The following OSBPL6 variants were observed in gnomAD, a reference collection of about 807,000 sequenced individuals.
OSBPL6 encodes the protein oxysterol-binding protein-related protein 6.
A neutral mutation model predicts 125.8 loss-of-function variants in OSBPL6; 49 were observed. That is an observed-to-expected ratio of 0.39 (90% CI 0.31 to 0.49). OSBPL6 has a LOEUF of 0.49. Among genes scored for constraint, OSBPL6 ranks in the 20% least tolerant of loss-of-function variants. The probability of loss-of-function intolerance (pLI) is 0.88; values close to 1 mark genes in which losing one functional copy is unlikely to be tolerated. For synonymous variants in OSBPL6, 394 were observed against 391.8 expected (o/e 1.01, Z -0.07); for missense variants, 986 against 1,135.4 (o/e 0.87, Z 1.89).
chr2:178,226,933 G>A (rs2090589202), intron 1 of OSBPL6, among the ~76,000 whole-genome samples: 1 of 152,180 alleles, frequency 6.6e-6, no homozygotes, highest in African/African-American at 2.4e-5. Flanking sequence ...TATTGAAATT[G>A]TATGTTGTGT....
intron 2 of OSBPL6, among the ~76,000 whole-genome samples, chr2:178,297,886 C>G (rs1002029864): frequency 6.6e-6 from 1 of 152,180 alleles, no homozygotes; most frequent in Non-Finnish European, 1.5e-5. Flanking sequence ...ATCATTTTAA[C>G]TGCTTTGAAG....
At chr2:178,306,371 A>G (rs16866247) in intron 3 of OSBPL6, 85 bp downstream of exon 3, 16,611 of 851,324 alleles carry the variant, frequency 0.02, 876 homozygotes, top group East Asian at 0.19. Flanking sequence ...ATTAATTCTG[A>G]AATTTTGTTG....
At chr2:178,329,245 T>G (rs1688973574) in intron 5 of OSBPL6, among the ~76,000 whole-genome samples, 1 of 152,214 alleles carries the variant, frequency 6.6e-6, no homozygotes, top group South Asian at 2.1e-4. Flanking sequence ...AGGCTACAGT[T>G]TATTCCTCTC....
intron 1 of OSBPL6, among the ~76,000 whole-genome samples, chr2:178,276,140 A>G (rs1408071699): frequency 6.6e-6 from 1 of 152,160 alleles, no homozygotes; most frequent in East Asian, 1.9e-4. Flanking sequence ...ATAATTCATG[A>G]GGGAAATATG....
At chr2:178,268,348 C>A (rs1479809720) in intron 1 of OSBPL6, among the ~76,000 whole-genome samples, 2 of 152,132 alleles carry the variant, frequency 1.3e-5, no homozygotes, top group African/African-American at 4.8e-5. Flanking sequence ...TCCCAAAGTG[C>A]TAGGATTATA....
At position 178,383,113 on chromosome 2, in the gene OSBPL6, C is replaced by T. The variant is rs1359333826; in HGVS notation, c.1711C>T (p.Leu571=). 6.2e-7 allele frequency: 1 copy of T among 1,614,206 alleles called. No individual in the cohort carries two copies. Residue 571 remains leucine, a synonymous_variant, in exon 17 of 25, where the codon CTG becomes TTG. Coordinates refer to ENST00000190611, the MANE Select transcript of OSBPL6 (RefSeq NM_032523.4). ...TTGTCCTGACACCAGTAACATTAAC[C>T]TGTGGAATATCTTGAGGAACAACAT... ...APCPDTSNIN[L]WNILRNNIGK...
chr2:178,253,652 C>T (rs539361283), intron 1 of OSBPL6, among the ~76,000 whole-genome samples: 56 of 152,272 alleles, frequency 3.7e-4, no homozygotes, highest in African/African-American at 1.3e-3. Context: ...TGAATAAACT[C>T]AGGGCCAGCA....
chr2:178,214,597 T>G (rs2090007178), intron 1 of OSBPL6, among the ~76,000 whole-genome samples: 1 of 152,166 alleles, frequency 6.6e-6, no homozygotes, highest in South Asian at 2.1e-4. Context: ...TCAGGCCCAC[T>G]TATAATCTTC....
At chr2:178,350,607 T>C (rs555854146) in intron 12 of OSBPL6, among the ~76,000 whole-genome samples, 17 of 152,340 alleles carry the variant, frequency 1.1e-4, no homozygotes, top group African/African-American at 3.6e-4. Context: ...GATTTCTCAA[T>C]TGAGACTCTT....
intron 1 of OSBPL6, among the ~76,000 whole-genome samples, chr2:178,243,551 A>G (rs1357162354): frequency 6.6e-6 from 1 of 152,058 alleles, no homozygotes; most frequent in African/African-American, 2.4e-5. Context: ...GCTTAGCCCT[A>G]TCCATTCATC....
At chr2:178,344,325 C>T (rs751440386) in intron 11 of OSBPL6, 16 of 1,614,018 alleles carry the variant, frequency 9.9e-6, no homozygotes, top group South Asian at 2.2e-5. Context: ...CACAACTCGG[C>T]GCCGGCAGAG....
intron 13 of OSBPL6, among the ~76,000 whole-genome samples, chr2:178,370,824 C>T (rs1291678864): frequency 6.6e-6 from 1 of 152,062 alleles, no homozygotes; most frequent in East Asian, 1.9e-4. Context: ...AAACAAAATC[C>T]AAAGGCTGCA....
intron 1 of OSBPL6, among the ~76,000 whole-genome samples, chr2:178,266,226 C>A: frequency 6.6e-6 from 1 of 152,154 alleles, no homozygotes; most frequent in East Asian, 1.9e-4. Flanking sequence ...GCAAGAAGAC[C>A]ACAGTGAGCC....
At chr2:178,232,912 A>C (rs1056207509) in intron 1 of OSBPL6, among the ~76,000 whole-genome samples, 18 of 152,200 alleles carry the variant, frequency 1.2e-4, no homozygotes, top group African/African-American at 4.1e-4. Flanking sequence ...CCTGTCTCTG[A>C]GAAACACTTC....
At chr2:178,296,945 T>G (rs1194401608) in intron 2 of OSBPL6, among the ~76,000 whole-genome samples, 4 of 152,200 alleles carry the variant, frequency 2.6e-5, no homozygotes, top group Non-Finnish European at 4.4e-5. Flanking sequence ...TTCTGGAGGA[T>G]GACAGGTTTT....
At chr2:178,382,592 C>G in intron 16 of OSBPL6, 85 bp downstream of exon 16, 1 of 1,574,056 alleles carries the variant, frequency 6.4e-7, no homozygotes, top group Non-Finnish European at 8.6e-7. Context: ...TTCCCCCTCC[C>G]ACGCCACCCC....
At chr2:178,194,206 T>C (rs528177151), upstream of OSBPL6, among the ~76,000 whole-genome samples, 1 of 152,064 alleles carries the variant, frequency 6.6e-6, no homozygotes, top group African/African-American at 2.4e-5. Context: ...CTGCGGGTGA[T>C]CTCGGGACAC....
intron 1 of OSBPL6, among the ~76,000 whole-genome samples, chr2:178,246,991 A>G (rs1266655385): frequency 6.8e-6 from 1 of 147,580 alleles, no homozygotes; most frequent in South Asian, 2.2e-4. Flanking sequence ...TTGGAACTTC[A>G]TCTCCCTGTA....
rs1294816344 is a variant in OSBPL6, at chr2:178,349,081, AAAAT to A, written c.988-138_988-135del. ...CCCTCTTCCTACCCCAACTGCCTGC[AAAAT>A]AAATGAGTACTGAGTGTCTCCAAGT... On this transcript the variant is annotated intron_variant, in intron 11 of 24. Coordinates refer to ENST00000190611, the MANE Select transcript of OSBPL6 (RefSeq NM_032523.4). 10 of 913,732 alleles carry A rather than the reference AAAAT, an allele frequency of 1.1e-5. No homozygotes were observed. In the African/African-American group the frequency reaches 1.7e-4, roughly 15 times the overall value. 56.6% of individuals were successfully genotyped at this position (913,732 alleles called of 1,614,324 possible).
Sources: gnomAD v4.1 joint callset for allele counts (sites outside exome capture counted in the v4.1 genomes callset) on GRCh38, gnomAD v4.1.1 for gene constraint, MANE v1.5 for transcripts, NCBI Gene and HGNC (gene_info 2026-07-23, HGNC 2026-07-21) for gene names.